The following NRCAM variants were observed in gnomAD, a reference collection of about 807,000 sequenced individuals.
NRCAM encodes the protein neuronal cell adhesion molecule.
In NRCAM, 83 loss-of-function variants were observed where a neutral mutation model predicts 156.5. The ratio of observed to expected loss-of-function variants is 0.53; its 90% CI spans 0.44 to 0.64. The LOEUF (loss-of-function observed/expected upper bound fraction) is 0.64. NRCAM is among the 30% of genes least tolerant of loss of function. The probability of loss-of-function intolerance (pLI) is 0.00; values close to 1 mark genes in which losing one functional copy is unlikely to be tolerated. For synonymous variants in NRCAM, 538 were observed against 563.9 expected, an observed-to-expected ratio of 0.95 and a Z score of 0.65; for missense variants, 1,417 against 1,597.3, an observed-to-expected ratio of 0.89 and a Z score of 1.92.
chr7:108,283,759 T>C (rs1432327056), intron 3 of NRCAM, among the ~76,000 whole-genome samples: 2 of 152,164 alleles, frequency 1.3e-5, no homozygotes, highest in African/African-American at 4.8e-5. Context: ...TTCCTTCACA[T>C]TTTAGCTCTT....
chr7:108,395,394 C>T (rs559763540), intron 2 of NRCAM, among the ~76,000 whole-genome samples: 3 of 152,308 alleles, frequency 2.0e-5, no homozygotes, highest in South Asian at 2.1e-4. Flanking sequence ...AAATGGCCCA[C>T]GAATTGCTGA....
Position 108,287,370 on chromosome 7 carries a change from TAATC to T in NRCAM, c.-107+25291_-107+25294del, listed in dbSNP as rs1323455280. Among the ~76,000 whole-genome samples the T allele has an allele frequency of 2.6e-5, 4 of 151,858 alleles. No individual in the cohort carries two copies. The East Asian group carries it at 7.7e-4, about 29-fold the overall frequency. Reference sequence around the variant, plus strand: ...AAAAGCTTCTGCACAGCAAAAGAAATAATCAACAGAGTAAACAGACAACCTACAA... The same window carrying T: ...AAAAGCTTCTGCACAGCAAAAGAAATAACAGAGTAAACAGACAACCTACAA... On this transcript the variant is annotated intron_variant, in intron 3 of 32. Coordinates refer to ENST00000379028, the MANE Select transcript of NRCAM (RefSeq NM_001037132.4).
chr7:108,384,591 T>G (rs761065055), intron 2 of NRCAM, among the ~76,000 whole-genome samples: 30 of 152,296 alleles, frequency 2.0e-4, no homozygotes, highest in Middle Eastern at 3.4e-3. Flanking sequence ...CTTTTCATGT[T>G]TTTACCTCTG....
intron 2 of NRCAM, among the ~76,000 whole-genome samples, chr7:108,397,038 T>C (rs2154385837): frequency 6.6e-6 from 1 of 152,340 alleles, no homozygotes; most frequent in East Asian, 1.9e-4. Context: ...TGTGAACTGA[T>C]TTACTTAATT....
chr7:108,410,701 G>C (rs1019411905), intron 1 of NRCAM, among the ~76,000 whole-genome samples: 4 of 152,208 alleles, frequency 2.6e-5, no homozygotes, highest in Non-Finnish European at 4.4e-5. Context: ...CCTCGTGAGG[G>C]TCAAGTCCTT....
intron 22 of NRCAM, among the ~76,000 whole-genome samples, chr7:108,183,363 T>C (rs1189438123): frequency 6.6e-6 from 1 of 151,380 alleles, no homozygotes; most frequent in Non-Finnish European, 1.5e-5. Context: ...TTTGTATAAA[T>C]ATAAGTATGT....
intron 4 of NRCAM, among the ~76,000 whole-genome samples, chr7:108,239,662 C>A (rs1204386016): frequency 6.6e-6 from 1 of 152,162 alleles, no homozygotes; most frequent in African/African-American, 2.4e-5. Flanking sequence ...TTGGGAAGAT[C>A]AGGCAGCTTG....
chr7:108,250,902 A>G (rs899187546), intron 3 of NRCAM, among the ~76,000 whole-genome samples: 17 of 152,182 alleles, frequency 1.1e-4, no homozygotes, highest in African/African-American at 3.9e-4. Flanking sequence ...ACCCACAAAA[A>G]TTAAAATTAA....
chr7:108,286,992 T>C (rs1214923527), intron 3 of NRCAM, among the ~76,000 whole-genome samples: 2 of 152,074 alleles, frequency 1.3e-5, no homozygotes, highest in African/African-American at 4.8e-5. Context: ...AACAAAAATA[T>C]ACACTGGGGA....
intron 22 of NRCAM, among the ~76,000 whole-genome samples, chr7:108,183,281 G>A (rs1208637931): frequency 9.1e-6 from 1 of 109,886 alleles, no homozygotes; most frequent in Non-Finnish European, 2.1e-5. Flanking sequence ...CATTTTATTT[G>A]CAGATGGAAA....
At chr7:108,317,178 A>G (rs1394572247) in intron 2 of NRCAM, among the ~76,000 whole-genome samples, 1 of 152,194 alleles carries the variant, frequency 6.6e-6, no homozygotes, top group Non-Finnish European at 1.5e-5. Context: ...ATGAGCTGAG[A>G]GGGAACTCTA....
intron 2 of NRCAM, among the ~76,000 whole-genome samples, chr7:108,383,325 C>A (rs991415625): frequency 2.0e-5 from 3 of 152,166 alleles, no homozygotes; most frequent in African/African-American, 7.2e-5. Context: ...AGAAAGGGAA[C>A]CTGCTAATGC....
intron 3 of NRCAM, among the ~76,000 whole-genome samples, chr7:108,249,018 T>C (rs886098193): frequency 6.6e-6 from 1 of 152,170 alleles, no homozygotes; most frequent in Non-Finnish European, 1.5e-5. Flanking sequence ...CTACCTCCTC[T>C]GTCTTCCTCC....
At chr7:108,327,283 C>T (rs896014067) in intron 2 of NRCAM, among the ~76,000 whole-genome samples, 1 of 152,164 alleles carries the variant, frequency 6.6e-6, no homozygotes, top group African/African-American at 2.4e-5. Context: ...GCTAATAAGA[C>T]GTGCTCTCTT....
chr7:108,437,332 CA>C (rs1021189297), intron 1 of NRCAM, among the ~76,000 whole-genome samples: 3 of 151,880 alleles, frequency 2.0e-5, no homozygotes, highest in African/African-American at 7.3e-5. Flanking sequence ...GGGTACAAAA[CA>C]AATAGAAAGA....
intron 10 of NRCAM, among the ~76,000 whole-genome samples, chr7:108,225,090 G>A (rs1207274177): frequency 1.3e-5 from 2 of 152,126 alleles, no homozygotes; most frequent in Non-Finnish European, 2.9e-5. Context: ...GAAGGTAAAT[G>A]CTCTACTTTT....
At chr7:108,301,658 A>T (rs1211807382) in intron 3 of NRCAM, among the ~76,000 whole-genome samples, 2 of 152,092 alleles carry the variant, frequency 1.3e-5, no homozygotes, top group African/African-American at 4.8e-5. Flanking sequence ...AAATTAGATA[A>T]TTTTGCTATT....
rs201309989 is a variant in NRCAM at position 108,431,464 on chromosome 7, G to A, written c.-332+24779C>T. ...TCATGATTCATAATTCCTGTCAAAA[G>A]AGCAGAGGACAGTAATGGCATCAAA... On this transcript the variant is annotated intron_variant, in intron 1 of 32. Transcript: ENST00000379028. Among the ~76,000 whole-genome samples the A allele has an allele frequency of 3.5e-3, 527 of 152,292 alleles. 4 individuals are homozygous for A. Among genetic ancestry groups the A allele is most frequent in the African/African-American group, 0.012 (487 of 41,556 alleles).
intron 11 of NRCAM, among the ~76,000 whole-genome samples, chr7:108,216,721 G>A (rs1433846606): frequency 1.3e-5 from 2 of 152,026 alleles, no homozygotes; most frequent in African/African-American, 4.8e-5. Flanking sequence ...CAATACTTGT[G>A]TATGCGTCAC....
Sources: gnomAD v4.1 joint callset for allele counts (sites outside exome capture counted in the v4.1 genomes callset) on GRCh38, gnomAD v4.1.1 for gene constraint, MANE v1.5 for transcripts, NCBI Gene and HGNC (gene_info 2026-07-23, HGNC 2026-07-21) for gene names.